Variants in KCTD10 observed in about 807,000 individuals in gnomAD.
KCTD10 encodes potassium channel tetramerization domain containing 10.
In KCTD10, 13 loss-of-function variants were observed where a neutral mutation model predicts 34.6. That is an observed-to-expected ratio of 0.38 (90% CI 0.24 to 0.60). The LOEUF is 0.60. KCTD10 is among the 20% of genes least tolerant of loss of function. The pLI is 0.66. For synonymous variants in KCTD10, 156 were observed against 168.8 expected, an observed-to-expected ratio of 0.92 and a Z score of 0.59; for missense variants, 256 against 420.3, an observed-to-expected ratio of 0.61 and a Z score of 3.42.
chr12:109,475,763 C>T (rs1484826300), intron 1 of KCTD10, among the ~76,000 whole-genome samples: 1 of 152,206 alleles, frequency 6.6e-6, no homozygotes, highest in Non-Finnish European at 1.5e-5. Context: ...ATAAAACCTT[C>T]CCAAACTGAG....
Position 109,460,558 on chromosome 12 carries a change from T to C in KCTD10, c.387+78A>G. ...TCAGTCAGACAGAAACTGCCCCCAT[T>C]TTGCAGAGAGGGAAAATGAGGAAGG... On this transcript the variant is annotated intron_variant, in intron 3 of 6. Transcript: ENST00000228495. This position sits in a 1 kb window ranked among gnomAD's most constrained non-coding sequence, Gnocchi z 4.5. 6.9e-7 allele frequency: 1 copy of C among 1,456,296 alleles called. No individual in the cohort carries two copies. The highest frequency in any genetic ancestry group is 9.4e-7 in the Non-Finnish European group (1 of 1,063,094). The allele number at this position is 1,456,296 out of a possible 1,614,324, so 90.2% of individuals were successfully genotyped here.
chr12:109,451,643 C>A lies in KCTD10; in HGVS notation c.894G>T (p.Arg298=). 1 of 1,612,380 alleles carries A rather than the reference C, an allele frequency of 6.2e-7. No individual in the cohort carries two copies. The highest frequency in any genetic ancestry group is 8.5e-7 in the Non-Finnish European group (1 of 1,179,706). The change falls in exon 7 of 7, where the codon CGG becomes CGT. Residue 298 remains arginine, a synonymous_variant. Coordinates refer to ENST00000228495, the MANE Select transcript of KCTD10 (RefSeq NM_031954.5). This position sits in a 1 kb window ranked among gnomAD's most constrained non-coding sequence, Gnocchi z 5.0. ...CATCAGGGCGCTTGATGTGGATCCTCCGCACGCGCTCGATCCGCTCCCGCT... is the reference window on the plus strand; with the variant it reads ...CATCAGGGCGCTTGATGTGGATCCTACGCACGCGCTCGATCCGCTCCCGCT... ...DEERERIERV[R]RIHIKRPDDR...
chr12:109,461,372 C>T (rs1310793960), intron 2 of KCTD10, among the ~76,000 whole-genome samples: 6 of 152,208 alleles, frequency 3.9e-5, no homozygotes, highest in Admixed American at 2.0e-4. Context: ...CTTCCTGCAA[C>T]AAGCACTTAG....
intron 6 of KCTD10, among the ~76,000 whole-genome samples, chr12:109,453,937 A>G (rs12578648): frequency 0.18 from 27,630 of 152,230 alleles, 2,591 homozygotes; most frequent in African/African-American, 0.22. Context: ...GCACACAGCT[A>G]GGACAGATTT....
chr12:109,458,905 G>C (rs1376136884), intron 3 of KCTD10: 1 of 152,282 alleles, frequency 6.6e-6, no homozygotes, highest in Admixed American at 6.5e-5. Context: ...CCACAATGCA[G>C]CCCAGTGGAC....
At chr12:109,474,094 T>C (rs1361235632) in intron 1 of KCTD10, among the ~76,000 whole-genome samples, 4 of 152,054 alleles carry the variant, frequency 2.6e-5, no homozygotes, top group African/African-American at 4.8e-5. Context: ...TTTGTATTTT[T>C]AGTACAGACG....
chr12:109,459,450 T>C (rs984497580), intron 3 of KCTD10: 2 of 152,210 alleles, frequency 1.3e-5, no homozygotes, highest in African/African-American at 4.8e-5. Flanking sequence ...AGTAGGAACA[T>C]ATATTTAGAA....
At position 109,460,502 on chromosome 12, in the gene KCTD10, C is replaced by T. The variant is rs548571454; in HGVS notation, c.387+134G>A. The stretch of plus-strand genomic sequence containing the variant: ...TCACTCCAACCGAAGGAATCGGGCT[C>T]CAGGGCAAACTCATTAACTCTCACA... On this transcript the variant is annotated intron_variant, in intron 3 of 6. Transcript: ENST00000228495. This position sits in a 1 kb window ranked among gnomAD's most constrained non-coding sequence, Gnocchi z 4.5. The T allele has an allele frequency of 1.0e-6, 1 of 983,538 alleles. No individual in the cohort carries two copies. The highest frequency in any genetic ancestry group is 2.6e-5 in the East Asian group (1 of 39,024). 60.9% of individuals were successfully genotyped at this position (983,538 alleles called of 1,614,324 possible). A position where few individuals can be genotyped will look rare whatever the true frequency, so the allele number is the denominator to read the frequency against.
At position 109,457,307 on chromosome 12, in the gene KCTD10, G is replaced by A. The variant is rs115386530; in HGVS notation, c.527+323C>T. ...GGTTGAGGGAAAATGGGGAGTGACT[G>A]CTAACGAATAGAGGGTTTCTTTTCA... On this transcript the variant is annotated intron_variant, in intron 5 of 6. Transcript: ENST00000228495. 886 of 235,650 alleles carry A rather than the reference G, an allele frequency of 3.8e-3. 4 individuals are homozygous for A. Among genetic ancestry groups the A allele is most frequent in the African/African-American group, 0.018 (805 of 43,986 alleles). The allele number at this position is 235,650 out of a possible 1,614,324, so 14.6% of individuals were successfully genotyped here. A position where few individuals can be genotyped will look rare whatever the true frequency, so the allele number is the denominator to read the frequency against.
At chr12:109,452,134 CA>C (rs1183033959) in intron 6 of KCTD10, among the ~76,000 whole-genome samples, 1 of 152,150 alleles carries the variant, frequency 6.6e-6, no homozygotes, top group Non-Finnish European at 1.5e-5. Context: ...TCACACACTT[CA>C]AAAAACACAC....
At chr12:109,471,269 G>A (rs865789908) in intron 1 of KCTD10, 37 of 985,380 alleles carry the variant, frequency 3.8e-5, no homozygotes, top group Middle Eastern at 5.2e-4. Flanking sequence ...GAAGCAACGC[G>A]ACAGTCATGG....
intron 6 of KCTD10, among the ~76,000 whole-genome samples, chr12:109,453,009 T>C (rs1209245104): frequency 6.6e-6 from 1 of 152,100 alleles, no homozygotes; most frequent in East Asian, 1.9e-4. Context: ...GTTCTTGTGT[T>C]TGTGAAGCTG....
intron 6 of KCTD10, among the ~76,000 whole-genome samples, chr12:109,454,063 T>C (rs1367444680): frequency 6.6e-6 from 1 of 152,086 alleles, no homozygotes; most frequent in Non-Finnish European, 1.5e-5. Context: ...ATCAATGTTC[T>C]CCCTAGGATT....
intron 1 of KCTD10, 96 bp downstream of exon 1, chr12:109,477,164 T>A: frequency 7.9e-7 from 1 of 1,273,382 alleles, no homozygotes; most frequent in Non-Finnish European, 1.0e-6. Flanking sequence ...CTGCCCCTCA[T>A]CACACCCCCT....
At chr12:109,468,874 G>A (rs768778274) in intron 2 of KCTD10, among the ~76,000 whole-genome samples, 8 of 151,864 alleles carry the variant, frequency 5.3e-5, no homozygotes, top group Non-Finnish European at 8.8e-5. Context: ...GGATGGTCTC[G>A]ATCTCCTGAC....
At chr12:109,465,315 A>T (rs1196694953) in intron 2 of KCTD10, among the ~76,000 whole-genome samples, 2 of 152,214 alleles carry the variant, frequency 1.3e-5, no homozygotes, top group African/African-American at 4.8e-5. Context: ...AGCAAAACAT[A>T]CAAACTGTAC....
At chr12:109,475,582 T>G (rs1874143724) in intron 1 of KCTD10, among the ~76,000 whole-genome samples, 1 of 152,196 alleles carries the variant, frequency 6.6e-6, no homozygotes, top group Admixed American at 6.5e-5. Context: ...GATCAGTCAC[T>G]AGTGTTTAAA....
chr12:109,450,446 G>A lies in KCTD10; in HGVS notation c.*1149C>T. On this transcript the variant is annotated 3_prime_UTR_variant, in exon 7 of 7. Transcript: ENST00000228495. ...AACACAGACACAAACCAGACCCAAA[G>A]TTATCTATCTACCCGCACATCCTCA... is the stretch of plus-strand genomic sequence containing the variant. 5.0e-6 allele frequency: 2 copies of A among 399,154 alleles called. No individual in the cohort carries two copies. The highest frequency in any genetic ancestry group is 8.8e-6 in the Non-Finnish European group (2 of 226,444). 24.7% of individuals were successfully genotyped at this position (399,154 alleles called of 1,614,324 possible). A position where few individuals can be genotyped will look rare whatever the true frequency, so the allele number is the denominator to read the frequency against.
Position 109,460,335 on chromosome 12 carries a change from C to A in KCTD10, c.387+301G>T. On this transcript the variant is annotated intron_variant, in intron 3 of 6. Transcript: ENST00000228495. This position sits in a 1 kb window ranked among gnomAD's most constrained non-coding sequence, Gnocchi z 4.5. ...GACTAGAGTAAGCCCTAAGATTGGT[C>A]CCGAACACCGACCAAGTTTCACACC... 3.0e-6 allele frequency: 1 copy of A among 330,882 alleles called. No homozygotes were observed. The highest frequency in any genetic ancestry group is 2.1e-5 in the African/African-American group (1 of 47,414). The allele number at this position is 330,882 out of a possible 1,614,324, so 20.5% of individuals were successfully genotyped here. A position where few individuals can be genotyped will look rare whatever the true frequency, so the allele number is the denominator to read the frequency against.
Sources: gnomAD v4.1 joint callset for allele counts (sites outside exome capture counted in the v4.1 genomes callset) on GRCh38, gnomAD v4.1.1 for gene constraint, Gnocchi (gnomAD v3.1) non-coding constraint, MANE v1.5 for transcripts, NCBI Gene and HGNC (gene_info 2026-07-23, HGNC 2026-07-21) for gene names.